MYOM2: variants seen among roughly 807,000 people sequenced by gnomAD.
MYOM2 encodes the protein myomesin-2.
MYOM2 carries 254 observed loss-of-function variants against 187.6 expected under a neutral mutation model. The ratio of observed to expected loss-of-function variants is 1.35; its 90% CI spans 1.22 to 1.50. MYOM2 has a LOEUF of 1.50. Ranked by LOEUF, MYOM2 falls within the 40% of genes most tolerant of loss-of-function variation. MYOM2 has a pLI of 0.00. For synonymous variants in MYOM2, 981 were observed against 753.8 expected (o/e 1.30, Z -4.94); for missense variants, 2,796 against 1,924.0 (o/e 1.45, Z -8.48).
At position 2,066,254 on chromosome 8, in the gene MYOM2, T is replaced by G. The variant is rs374026884; in HGVS notation, c.654-3024T>G. ...ACCTGCTCTGTGCTTCTCTGGTTTA[T>G]GGCTCCCTCCTTGAGAATCTGAGTC... On this transcript the variant is annotated intron_variant, in intron 6 of 36. Transcript: ENST00000262113. 3.0e-4 allele frequency among the ~76,000 whole-genome samples: 45 copies of G among 152,342 alleles called. 1 individual carries two copies. In the South Asian group the frequency reaches 8.5e-3, roughly 29 times the overall value.
At chr8:2,127,011 T>C (rs34356745) in intron 31 of MYOM2, among the ~76,000 whole-genome samples, 56,471 of 149,302 alleles carry the variant, frequency 0.38, 10,961 homozygotes, top group Non-Finnish European at 0.43. Flanking sequence ...GAGAGGCTGA[T>C]AGAGGCTGGG....
chr8:2,120,680 T>TATAAAAAATATATATATA lies in MYOM2; in HGVS notation c.3454-2572_3454-2571insATAAAAAATATATATATA. ...CCTGTATATATATATATATATTATA[T>TATAAAAAATATATATATA]TATATATAAATATATAATATATATA... is the stretch of plus-strand genomic sequence containing the variant. On this transcript the variant is annotated intron_variant, in intron 28 of 36. Transcript: ENST00000262113. 8.3e-5 allele frequency among the ~76,000 whole-genome samples: 4 copies of TATAAAAAATATATATATA among 48,300 alleles called. 1 individual carries two copies. Among genetic ancestry groups the TATAAAAAATATATATATA allele is most frequent in the African/African-American group, 2.6e-4 (4 of 15,252 alleles). 31.7% of individuals were successfully genotyped at this position (48,300 alleles called of 152,430 possible).
chr8:2,076,410 C>A (rs1819423919), intron 11 of MYOM2, 128 bp downstream of exon 11: 9 of 1,223,734 alleles, frequency 7.4e-6, no homozygotes, highest in Non-Finnish European at 1.0e-5. Context: ...AGGTACATGG[C>A]TAATTGGTTG....
intron 25 of MYOM2, among the ~76,000 whole-genome samples, chr8:2,114,979 A>G: frequency 6.6e-6 from 1 of 152,180 alleles, no homozygotes; most frequent in East Asian, 1.9e-4. Flanking sequence ...CCAATACCAT[A>G]TGAAATTGGT....
At chr8:2,104,036 G>T (rs1796810709) in intron 21 of MYOM2, among the ~76,000 whole-genome samples, 1 of 148,314 alleles carries the variant, frequency 6.7e-6, no homozygotes, top group African/African-American at 2.5e-5. Flanking sequence ...GAGAAGGAGA[G>T]CACTTTGGGT....
intron 19 of MYOM2, among the ~76,000 whole-genome samples, chr8:2,100,129 TTTCCTTCCTTCCTTCCTTCC>T (rs71211554): frequency 2.4e-4 from 11 of 45,574 alleles, no homozygotes; most frequent in South Asian, 1.0e-3. Context: ...TCCTTCCTTC[TTTCCTTCCTTCCTTCCTTCC>T]TTCCTTCCTT....
In MYOM2 at chr8:2,085,195, C is replaced by A; in HGVS notation, c.1517-68C>A. ...ACCCACGTGGCAGAGTCCTCCAGTG[C>A]CCCGAGGTGGGCTGCAGCGAGGCTG... On this transcript the variant is annotated intron_variant, in intron 13 of 36. Coordinates refer to ENST00000262113, the MANE Select transcript of MYOM2 (RefSeq NM_003970.4). 2.5e-6 allele frequency: 4 copies of A among 1,572,180 alleles called. No homozygotes were observed. The South Asian group carries it at 4.7e-5, about 18-fold the overall frequency.
intron 14 of MYOM2, 26 bp downstream of exon 14, chr8:2,085,416 A>C: frequency 6.4e-7 from 1 of 1,571,752 alleles, no homozygotes; most frequent in South Asian, 1.1e-5. Context: ...GTGTCCTGGA[A>C]AAGTAGATCT....
intron 28 of MYOM2, among the ~76,000 whole-genome samples, chr8:2,122,072 G>C (rs3735977): frequency 3.9e-5 from 6 of 152,074 alleles, no homozygotes; most frequent in African/African-American, 7.2e-5. Flanking sequence ...TTATTGGAAA[G>C]GACCAGCAAT....
rs1449233616 is a variant in MYOM2 at position 2,123,658 on chromosome 8, C to G, written c.3655+16C>G. 1.2e-6 allele frequency: 2 copies of G among 1,609,382 alleles called. No homozygotes were observed. Among genetic ancestry groups the G allele is most frequent in the African/African-American group, 1.3e-5 (1 of 74,930 alleles). On this transcript the variant is annotated intron_variant, in intron 30 of 36. Coordinates refer to ENST00000262113, the MANE Select transcript of MYOM2 (RefSeq NM_003970.4). ...GCTGGCAAAGGTAAAAGAAAACCTCCTTTGTTCTGTGAACAAGAAATTCCT... is the reference window on the plus strand; with the variant it reads ...GCTGGCAAAGGTAAAAGAAAACCTCGTTTGTTCTGTGAACAAGAAATTCCT...
chr8:2,114,977 A>C (rs1051132476), intron 25 of MYOM2, among the ~76,000 whole-genome samples: 3 of 152,202 alleles, frequency 2.0e-5, no homozygotes, highest in Non-Finnish European at 4.4e-5. Flanking sequence ...GACCAATACC[A>C]TATGAAATTG....
intron 15 of MYOM2, among the ~76,000 whole-genome samples, chr8:2,090,423 A>G: frequency 6.6e-6 from 1 of 152,252 alleles, no homozygotes; most frequent in South Asian, 2.1e-4. Flanking sequence ...GTGAGTTGAA[A>G]AATATGTTTA....
At chr8:2,092,556 G>GC in intron 16 of MYOM2, 36 bp downstream of exon 16, 2 of 1,604,676 alleles carry the variant, frequency 1.2e-6, no homozygotes, top group Non-Finnish European at 1.7e-6. Flanking sequence ...AGTCAGCCTT[G>GC]CAGGAGTAGC....
intron 31 of MYOM2, chr8:2,127,851 C>G (rs1264660262): frequency 6.5e-6 from 1 of 153,456 alleles, no homozygotes; most frequent in African/African-American, 2.4e-5. Flanking sequence ...TCAACTCTGT[C>G]ACGGAGGGGG....
intron 3 of MYOM2, among the ~76,000 whole-genome samples, chr8:2,055,800 C>A (rs1021904157): frequency 6.6e-6 from 1 of 152,174 alleles, no homozygotes; most frequent in Non-Finnish European, 1.5e-5. Flanking sequence ...CAACCTGCAG[C>A]GGGTCTCAGT....
chr8:2,060,824 G>C (rs1385368134), intron 6 of MYOM2, among the ~76,000 whole-genome samples: 4 of 131,774 alleles, frequency 3.0e-5, no homozygotes, highest in Non-Finnish European at 6.7e-5. Flanking sequence ...AGGACATTAA[G>C]GAAGACTTCC....
At position 2,085,296 on chromosome 8, in the gene MYOM2, T is replaced by C. The variant is rs767568430; in HGVS notation, c.1550T>C (p.Val517Ala). The change falls in exon 14 of 37, where the codon GTG becomes GCG. Residue 517 changes from valine to alanine, a missense_variant. Transcript: ENST00000262113. ...DAQVPGPPTG[V>A]HASEISRNYV... ...CAGGTTCCAGGGCCTCCCACCGGTG[T>C]GCACGCTTCCGAGATCAGCAGAAAC... 15 of 1,614,044 alleles carry C rather than the reference T, an allele frequency of 9.3e-6. No individual in the cohort carries two copies. The African/African-American group carries it at 1.6e-4, about 17-fold the overall frequency.
chr8:2,082,447 C>T (rs1819662397), intron 13 of MYOM2, among the ~76,000 whole-genome samples: 1 of 152,070 alleles, frequency 6.6e-6, no homozygotes, highest in Non-Finnish European at 1.5e-5. Flanking sequence ...GTAAATGCCC[C>T]TTGTTTTAAT....
At position 2,117,869 on chromosome 8, in the gene MYOM2, C is replaced by CG. The variant is rs775133167; in HGVS notation, c.3386-16_3386-15insG. 92 of 1,588,774 alleles carry CG rather than the reference C, an allele frequency of 5.8e-5. No homozygotes were observed. The highest frequency in any genetic ancestry group is 6.0e-5 in the Non-Finnish European group (70 of 1,169,064). On this transcript the variant is annotated splice_polypyrimidine_tract_variant and intron_variant, in intron 27 of 36. Coordinates refer to ENST00000262113, the MANE Select transcript of MYOM2 (RefSeq NM_003970.4). Reference sequence around the variant, plus strand: ...TTTCCTTTTTTATATGTTTTCTTCCCTTTTTTCCTCCCTAGGCCCTCATTT... The same window carrying CG: ...TTTCCTTTTTTATATGTTTTCTTCCCGTTTTTTCCTCCCTAGGCCCTCATTT...
Sources: allele counts gnomAD v4.1 joint callset (sites outside exome capture counted in the v4.1 genomes callset), GRCh38; gene constraint gnomAD v4.1.1; transcripts MANE v1.5; gene names NCBI Gene and HGNC (gene_info 2026-07-23, HGNC 2026-07-21).